SYNE1: variants seen among roughly 807,000 people sequenced by gnomAD.
The protein encoded by SYNE1 is spectrin repeat containing nuclear envelope protein 1, also known as nesprin-1.
SYNE1 carries 616 observed loss-of-function variants against 1,111.0 expected under a neutral mutation model. The ratio of observed to expected loss-of-function variants is 0.55; its 90% CI spans 0.52 to 0.59. SYNE1 has a LOEUF of 0.59. Among genes scored for constraint, SYNE1 ranks in the 20% least tolerant of loss-of-function variants. The probability of loss-of-function intolerance (pLI) is 0.00; values close to 1 mark genes in which losing one functional copy is unlikely to be tolerated. For synonymous variants in SYNE1, 3,855 were observed against 3,825.8 expected (o/e 1.01, Z -0.28); for missense variants, 10,006 against 10,417.0 (o/e 0.96, Z 1.72).
chr6:152,525,329 A>G (rs997668761), intron 5 of SYNE1, among the ~76,000 whole-genome samples: 1 of 152,160 alleles, frequency 6.6e-6, no homozygotes, highest in South Asian at 2.1e-4. Flanking sequence ...TGGACTTTCA[A>G]TTTTGGACTC....
At chr6:152,485,383 T>C (rs1593693609) in intron 12 of SYNE1, among the ~76,000 whole-genome samples, 2 of 152,338 alleles carry the variant, frequency 1.3e-5, no homozygotes, top group East Asian at 3.9e-4. Flanking sequence ...TCAAGATAGT[T>C]GCTTTACTTC....
At chr6:152,233,750 C>G (rs771886304) in intron 112 of SYNE1, 31 bp downstream of exon 112, 1 of 1,613,772 alleles carries the variant, frequency 6.2e-7, no homozygotes, top group Non-Finnish European at 8.5e-7. Flanking sequence ...CTTAAGTCAG[C>G]TATTTCCCAC....
At chr6:152,580,733 C>T (rs566834550) in intron 3 of SYNE1, among the ~76,000 whole-genome samples, 2 of 152,174 alleles carry the variant, frequency 1.3e-5, no homozygotes, top group Admixed American at 1.3e-4. Context: ...GCATATTAGC[C>T]ATCAGTATTT....
chr6:152,210,749 G>A (rs2077378725), intron 124 of SYNE1, among the ~76,000 whole-genome samples: 2 of 152,172 alleles, frequency 1.3e-5, no homozygotes, highest in Non-Finnish European at 2.9e-5. Context: ...ATTAGATAAA[G>A]TAAATATTGT....
At chr6:152,634,846 C>G (rs2099703580) in intron 2 of SYNE1, among the ~76,000 whole-genome samples, 1 of 152,228 alleles carries the variant, frequency 6.6e-6, no homozygotes, top group African/African-American at 2.4e-5. Flanking sequence ...AACATTAGTT[C>G]TCGTTAGATT....
In SYNE1 at chr6:152,233,663, G is replaced by A. The variant is rs1036877045; in HGVS notation, c.20712+118C>T. 43 of 1,254,976 alleles carry A rather than the reference G, an allele frequency of 3.4e-5. No homozygotes were observed. In the African/African-American group the frequency reaches 5.3e-4, roughly 16 times the overall value. 77.7% of individuals were successfully genotyped at this position (1,254,976 alleles called of 1,614,324 possible). On this transcript the variant is annotated intron_variant, in intron 112 of 145. Transcript: ENST00000367255. ...AATATTAATACAACGGGAGAGAGAA[G>A]AGGCCAGGTGTCTGGGACAAAGCTG... is the stretch of plus-strand genomic sequence containing the variant.
Position 152,215,195 on chromosome 6 carries a change from T to G in SYNE1, c.22192-135A>C, listed in dbSNP as rs1004243652. The stretch of plus-strand genomic sequence containing the variant: ...GTGGCCTCTGCATTTCTAGGCCACT[T>G]ACTTACAATCTCTAGGTACGAATAG... On this transcript the variant is annotated intron_variant, in intron 121 of 145. Coordinates refer to ENST00000367255, the MANE Select transcript of SYNE1 (RefSeq NM_182961.4). 9.4e-6 allele frequency: 9 copies of G among 960,752 alleles called. No individual in the cohort carries two copies. In the African/African-American group the frequency reaches 1.1e-4, roughly 12 times the overall value. 59.5% of individuals were successfully genotyped at this position (960,752 alleles called of 1,614,324 possible).
intron 3 of SYNE1, among the ~76,000 whole-genome samples, chr6:152,600,807 A>G (rs1333700487): frequency 6.6e-6 from 1 of 152,180 alleles, no homozygotes; most frequent in African/African-American, 2.4e-5. Flanking sequence ...AATAAAAGAG[A>G]TACAGTCAGA....
At chr6:152,128,912 T>C (rs1432423633) in intron 145 of SYNE1, 1 of 152,224 alleles carries the variant, frequency 6.6e-6, no homozygotes, top group Non-Finnish European at 1.5e-5. Context: ...CCCAAGAATG[T>C]TCAACCACAA....
chr6:152,413,739 T>C (rs1349349200), intron 41 of SYNE1, among the ~76,000 whole-genome samples: 1 of 152,180 alleles, frequency 6.6e-6, no homozygotes, highest in Non-Finnish European at 1.5e-5. Flanking sequence ...TCAGAAAACA[T>C]TGAAAGTCAT....
intron 53 of SYNE1, 112 bp from the exon 54 acceptor site, chr6:152,387,493 GT>G: frequency 1.8e-6 from 2 of 1,128,198 alleles, no homozygotes; most frequent in South Asian, 2.7e-5. Flanking sequence ...GCTACTGGAA[GT>G]GATGAAAATG....
rs369102119 is a variant in SYNE1 at position 152,447,893 on chromosome 6, T to C, written c.3505-271A>G. ...GATATGTCCTTGATGGGAAAAAAGA[T>C]GATTCTAAAAATACTGTAGAAAAAT... is the stretch of plus-strand genomic sequence containing the variant. On this transcript the variant is annotated intron_variant, in intron 28 of 145. Coordinates refer to ENST00000367255, the MANE Select transcript of SYNE1 (RefSeq NM_182961.4). 3.2e-3 allele frequency among the ~76,000 whole-genome samples: 482 copies of C among 152,336 alleles called. 3 individuals are homozygous for C. The highest frequency in any genetic ancestry group is 9.6e-3 in the African/African-American group (399 of 41,588).
chr6:152,219,269 A>G, intron 119 of SYNE1, 84 bp from the exon 120 acceptor site: 4 of 1,275,620 alleles, frequency 3.1e-6, no homozygotes, highest in Non-Finnish European at 4.5e-6. Flanking sequence ...CTACACATGT[A>G]GAAACACACC....
rs375314309 is a variant in SYNE1, at chr6:152,208,097, G to T, written c.22699C>A (p.Arg7567Ser). ...AGCTTTTCTGCCATCTCCCTATAGC[G>T]CTGCCACTGGCGAATCTGGCTGTCA... The part of the protein sequence containing the change: ...IIDSQIRQWQ[R>S]YREMAEKLRK... Residue 7567 changes from arginine (R) to serine (S), a missense_variant, in exon 125 of 146, where the codon CGC (arginine) becomes AGC (serine). Transcript: ENST00000367255. 2 of 1,614,034 alleles carry T rather than the reference G, an allele frequency of 1.2e-6. No individual in the cohort carries two copies. Among genetic ancestry groups the T allele is most frequent in the Admixed American group, 1.7e-5 (1 of 60,022 alleles).
At chr6:152,346,664 G>A (rs1445539051) in intron 73 of SYNE1, among the ~76,000 whole-genome samples, 2 of 151,912 alleles carry the variant, frequency 1.3e-5, no homozygotes, top group African/African-American at 4.8e-5. Context: ...CAAAAAATTA[G>A]CCAGGCGTGG....
intron 107 of SYNE1, among the ~76,000 whole-genome samples, chr6:152,240,293 AAAAC>A (rs71017529): frequency 1.6e-3 from 247 of 150,486 alleles, no homozygotes; most frequent in Non-Finnish European, 2.4e-3. Flanking sequence ...ACTCCATCTC[AAAAC>A]AAACAAACAA....
chr6:152,618,017 A>G (rs1201138268), intron 3 of SYNE1, among the ~76,000 whole-genome samples: 1 of 152,204 alleles, frequency 6.6e-6, no homozygotes, highest in African/African-American at 2.4e-5. Flanking sequence ...TAATGAGTTT[A>G]TCTGGAAGGT....
chr6:152,169,769 C>T (rs2064700907), intron 130 of SYNE1, among the ~76,000 whole-genome samples: 1 of 150,486 alleles, frequency 6.6e-6, no homozygotes, highest in South Asian at 2.1e-4. Flanking sequence ...CAGTGCACTA[C>T]AGCCTGGGTG....
chr6:152,387,186 G>A lies in SYNE1; in HGVS notation c.8373C>T (p.His2791=), dbSNP rs1465961867. The change falls in exon 54 of 146, where the codon CAC becomes CAT. Residue 2791 remains histidine, a synonymous_variant. Coordinates refer to ENST00000367255, the MANE Select transcript of SYNE1 (RefSeq NM_182961.4). The part of the protein sequence containing the change: ...SEAEDHTRAL[H]RLIAKSRELY... Reference sequence around the variant, plus strand: ...GCTCCCTGGACTTCGCAATTAGACGGTGAAGGGCTCTCGTGTGATCTTCTG... The same window carrying A: ...GCTCCCTGGACTTCGCAATTAGACGATGAAGGGCTCTCGTGTGATCTTCTG... The A allele has an allele frequency of 9.3e-6, 15 of 1,614,058 alleles. No homozygotes were observed. In the Admixed American group the frequency reaches 2.2e-4, roughly 23 times the overall value.
Sources: gnomAD v4.1 joint callset for allele counts (sites outside exome capture counted in the v4.1 genomes callset) on GRCh38, gnomAD v4.1.1 for gene constraint, MANE v1.5 for transcripts, NCBI Gene and HGNC (gene_info 2026-07-23, HGNC 2026-07-21) for gene names.